NAV2: variants seen among roughly 807,000 people sequenced by gnomAD.
NAV2 encodes the protein helicase, APC down-regulated 1.
A neutral mutation model predicts 223.2 loss-of-function variants in NAV2; 54 were observed. That is an observed-to-expected ratio of 0.24 (90% confidence interval 0.19 to 0.30). The LOEUF (loss-of-function observed/expected upper bound fraction) is 0.30. Among genes scored for constraint, NAV2 ranks in the 10% least tolerant of loss-of-function variants. The probability of loss-of-function intolerance (pLI) is 1.00; values close to 1 mark genes in which losing one functional copy is unlikely to be tolerated. For synonymous variants in NAV2, 1,279 were observed against 1,239.3 expected, an observed-to-expected ratio of 1.03 and a Z score of -0.67; for missense variants, 2,806 against 3,147.5, an observed-to-expected ratio of 0.89 and a Z score of 2.60.
At chr11:19,423,608 C>T (rs1174362357) in intron 1 of NAV2, among the ~76,000 whole-genome samples, 1 of 152,202 alleles carries the variant, frequency 6.6e-6, no homozygotes, top group African/African-American at 2.4e-5. Context: ...TCATTGAGCT[C>T]TTGACATTCC....
chr11:19,742,166 T>G (rs1486762704), intron 1 of NAV2, among the ~76,000 whole-genome samples: 1 of 152,168 alleles, frequency 6.6e-6, no homozygotes, highest in Non-Finnish European at 1.5e-5. Context: ...CCCCTTATAC[T>G]CCAGCCCAAC....
intron 1 of NAV2, among the ~76,000 whole-genome samples, chr11:19,533,367 C>T (rs888600634): frequency 6.6e-6 from 1 of 151,994 alleles, no homozygotes; most frequent in Non-Finnish European, 1.5e-5. Context: ...TATCTGCAGT[C>T]ATTGTGAAAT....
rs116931975 is a variant in NAV2, at chr11:19,381,859, G to A, written c.75+30832G>A. 6.9e-3 allele frequency among the ~76,000 whole-genome samples: 1,056 copies of A among 152,326 alleles called. 11 individuals carry two copies. The highest frequency in any genetic ancestry group is 0.022 in the South Asian group (108 of 4,828). ...CAGGAAGGCAACCAGAACTAATTAG[G>A]TTCCTTTTAGAGGGGCCGTTTCTGG... is the stretch of plus-strand genomic sequence containing the variant. On this transcript the variant is annotated intron_variant, in intron 1 of 37. Transcript: ENST00000360655.
chr11:19,838,867 G>A (rs2060370334), intron 2 of NAV2, among the ~76,000 whole-genome samples: 1 of 152,104 alleles, frequency 6.6e-6, no homozygotes, highest in Non-Finnish European at 1.5e-5. Flanking sequence ...CAAGTGATCT[G>A]CCCACCTCGG....
intron 14 of NAV2, 41 bp from the exon 15 acceptor site, chr11:20,048,687 C>T: frequency 6.4e-7 from 1 of 1,559,180 alleles, no homozygotes. Context: ...TGCCCCTTGG[C>T]ACTGGGTGTT....
At chr11:19,465,740 T>C (rs893107193) in intron 1 of NAV2, among the ~76,000 whole-genome samples, 5 of 152,222 alleles carry the variant, frequency 3.3e-5, no homozygotes, top group Non-Finnish European at 7.3e-5. Context: ...CTCAAAACTA[T>C]CCCGTAATGT....
intron 5 of NAV2, among the ~76,000 whole-genome samples, chr11:19,887,634 T>G (rs1488459809): frequency 2.6e-5 from 4 of 152,124 alleles, no homozygotes; most frequent in Admixed American, 2.0e-4. Context: ...AGTGTTGGTA[T>G]TTTGGGTTCA....
At chr11:19,373,990 G>A (rs1262251894) in intron 1 of NAV2, among the ~76,000 whole-genome samples, 3 of 152,104 alleles carry the variant, frequency 2.0e-5, no homozygotes, top group African/African-American at 7.2e-5. Flanking sequence ...ACAAGGCATT[G>A]AGTTATTTTT....
At chr11:19,425,662 A>C (rs1850798241) in intron 1 of NAV2, among the ~76,000 whole-genome samples, 1 of 152,224 alleles carries the variant, frequency 6.6e-6, no homozygotes, top group African/African-American at 2.4e-5. Flanking sequence ...ACTTCCATTA[A>C]ATACTAAATT....
intron 1 of NAV2, among the ~76,000 whole-genome samples, chr11:19,751,013 G>A (rs2152498651): frequency 6.6e-6 from 1 of 152,312 alleles, no homozygotes; most frequent in Admixed American, 6.5e-5. Flanking sequence ...TTGAGAGCCA[G>A]TTGTGTGCAT....
chr11:19,564,734 G>A (rs1005823254), intron 1 of NAV2, among the ~76,000 whole-genome samples: 12 of 152,186 alleles, frequency 7.9e-5, no homozygotes, highest in African/African-American at 2.9e-4. Context: ...GTGCTATTCT[G>A]TACCTCCCAC....
chr11:20,022,961 A>C, intron 11 of NAV2: 2 of 1,373,814 alleles, frequency 1.5e-6, no homozygotes, highest in Non-Finnish European at 2.0e-6. Flanking sequence ...GATCCCTGCT[A>C]GCTAGTCCTT....
chr11:19,405,522 T>C (rs1349752900), intron 1 of NAV2, among the ~76,000 whole-genome samples: 1 of 152,200 alleles, frequency 6.6e-6, no homozygotes, highest in Non-Finnish European at 1.5e-5. Flanking sequence ...GAAAGGTGTG[T>C]GTGTCCTGAG....
chr11:19,845,981 C>A (rs1453336226), intron 3 of NAV2, among the ~76,000 whole-genome samples: 1 of 152,132 alleles, frequency 6.6e-6, no homozygotes, highest in Non-Finnish European at 1.5e-5. Flanking sequence ...GGGCAAGAGA[C>A]CAGAGAACAA....
chr11:19,477,418 C>A (rs1206563858), intron 1 of NAV2, among the ~76,000 whole-genome samples: 2 of 152,222 alleles, frequency 1.3e-5, no homozygotes, highest in African/African-American at 4.8e-5. Context: ...AGTGGGATTA[C>A]TGCCCTCTGA....
chr11:19,507,994 C>T (rs368838050), intron 1 of NAV2, among the ~76,000 whole-genome samples: 6 of 152,184 alleles, frequency 3.9e-5, no homozygotes, highest in African/African-American at 2.4e-5. Flanking sequence ...TTAATAAATA[C>T]GTGAAGCCTA....
chr11:19,439,950 A>G (rs942364747), intron 1 of NAV2, among the ~76,000 whole-genome samples: 4 of 152,254 alleles, frequency 2.6e-5, no homozygotes, highest in Non-Finnish European at 5.9e-5. Flanking sequence ...GTTTAAAAAA[A>G]TTAATTACAA....
intron 1 of NAV2, among the ~76,000 whole-genome samples, chr11:19,805,034 A>T (rs1467085609): frequency 2.0e-5 from 3 of 152,212 alleles, no homozygotes; most frequent in Non-Finnish European, 4.4e-5. Context: ...AGTTCTTGAA[A>T]GTCAAGTTAA....
At chr11:19,657,020 C>T (rs181774693) in intron 1 of NAV2, among the ~76,000 whole-genome samples, 1 of 152,270 alleles carries the variant, frequency 6.6e-6, no homozygotes, top group East Asian at 1.9e-4. Context: ...ACCAAGAGTT[C>T]TCCCTTGATT....
Sources: allele counts gnomAD v4.1 joint callset (sites outside exome capture counted in the v4.1 genomes callset), GRCh38; gene constraint gnomAD v4.1.1; transcripts MANE v1.5; gene names NCBI Gene and HGNC (gene_info 2026-07-23, HGNC 2026-07-21).